Variants in AMPH observed in about 807,000 individuals in gnomAD.
AMPH encodes the protein amphiphysin.
In AMPH, 49 loss-of-function variants were observed where a neutral mutation model predicts 99.1. That is an observed-to-expected ratio of 0.49 (90% CI 0.39 to 0.63). The LOEUF is 0.63. AMPH is among the 20% of genes least tolerant of loss of function. AMPH has a pLI of 0.00. For missense variants in AMPH, 759 were observed against 863.4 expected, an observed-to-expected ratio of 0.88 and a Z score of 1.52; for synonymous variants, 314 against 317.3, an observed-to-expected ratio of 0.99 and a Z score of 0.11.
At chr7:38,588,946 A>G (rs1235682200) in intron 1 of AMPH, among the ~76,000 whole-genome samples, 3 of 152,126 alleles carry the variant, frequency 2.0e-5, no homozygotes, top group Admixed American at 6.6e-5. Flanking sequence ...CCAAACAACC[A>G]CTGACTACTA....
At chr7:38,530,298 G>A (rs1250181068) in intron 2 of AMPH, among the ~76,000 whole-genome samples, 1 of 152,210 alleles carries the variant, frequency 6.6e-6, no homozygotes, top group Non-Finnish European at 1.5e-5. Context: ...CTCATGGGAG[G>A]CTGGTCTGAA....
rs1794457966 is a variant in AMPH, at chr7:38,631,361, T to A, written c.-10A>T. 6.5e-7 allele frequency: 1 copy of A among 1,540,178 alleles called. No individual in the cohort carries two copies. Among genetic ancestry groups the A allele is most frequent in the East Asian group, 2.6e-5 (1 of 38,684 alleles). ...TCTTGATGTCGGCCATGGCTGCGGG[T>A]CCGGGGAGCTGCGAAGAGCAGAGCG... On this transcript the variant is annotated 5_prime_UTR_variant, in exon 1 of 21. Coordinates refer to ENST00000356264, the MANE Select transcript of AMPH (RefSeq NM_001635.4).
At chr7:38,567,023 G>C (rs1400996124) in intron 1 of AMPH, among the ~76,000 whole-genome samples, 2 of 152,126 alleles carry the variant, frequency 1.3e-5, no homozygotes, top group Non-Finnish European at 2.9e-5. Context: ...ATTTGACCCA[G>C]CAATCCCATT....
rs59397432 is a variant in AMPH, at chr7:38,441,779, C to G, written c.1018-5391G>C. On this transcript the variant is annotated intron_variant, in intron 11 of 20. Coordinates refer to ENST00000356264, the MANE Select transcript of AMPH (RefSeq NM_001635.4). Reference sequence around the variant, plus strand: ...TATATATCATATATATGATATATATCATATATCTGTCATATATATCATATA... The same window carrying G: ...TATATATCATATATATGATATATATGATATATCTGTCATATATATCATATA... Among the ~76,000 whole-genome samples the G allele has an allele frequency of 1.8e-4, 24 of 135,218 alleles. 2 individuals are homozygous for G. Among genetic ancestry groups the G allele is most frequent in the South Asian group, 7.0e-4 (3 of 4,296 alleles). The allele number at this position is 135,218 out of a possible 152,430, so 88.7% of individuals were successfully genotyped here.
chr7:38,450,920 C>T (rs906783833), intron 11 of AMPH, among the ~76,000 whole-genome samples: 3 of 150,478 alleles, frequency 2.0e-5, no homozygotes, highest in East Asian at 1.9e-4. Flanking sequence ...GACAGGGTCT[C>T]GCTCTTGTCA....
At chr7:38,422,603 CA>C in intron 15 of AMPH, 126 bp from the exon 16 acceptor site, 1 of 429,480 alleles carries the variant, frequency 2.3e-6, no homozygotes, top group Non-Finnish European at 3.7e-6. Context: ...TCTATCTATC[CA>C]TCTATCTATC....
rs1200407336 is a variant in AMPH at position 38,407,048 on chromosome 7, CTATA to C, written c.1398+10773_1398+10776del. Reference sequence around the variant, plus strand: ...TCTCTCTCTCTCTCTCTCTCTCTCTCTATATATATATATATATATATATATATAT... The same window carrying C: ...TCTCTCTCTCTCTCTCTCTCTCTCTCTATATATATATATATATATATATAT... On this transcript the variant is annotated intron_variant, in intron 17 of 20. Transcript: ENST00000356264. 1.2e-3 allele frequency among the ~76,000 whole-genome samples: 37 copies of C among 31,254 alleles called. 1 individual carries two copies. The highest frequency in any genetic ancestry group is 3.9e-3 in the African/African-American group (34 of 8,802). The allele number at this position is 31,254 out of a possible 152,430, so 20.5% of individuals were successfully genotyped here.
intron 7 of AMPH, among the ~76,000 whole-genome samples, chr7:38,473,825 A>AT (rs1345523793): frequency 1.3e-5 from 2 of 149,130 alleles, no homozygotes; most frequent in Non-Finnish European, 3.0e-5. Context: ...ATAATTTGTG[A>AT]TTTTAAATAA....
At chr7:38,581,158 T>G (rs887384403) in intron 1 of AMPH, among the ~76,000 whole-genome samples, 1 of 151,786 alleles carries the variant, frequency 6.6e-6, no homozygotes, top group Non-Finnish European at 1.5e-5. Context: ...GGTTGGAAAA[T>G]GAGAGGCAAT....
intron 1 of AMPH, among the ~76,000 whole-genome samples, chr7:38,582,824 G>A (rs1344144538): frequency 6.6e-6 from 1 of 152,094 alleles, no homozygotes; most frequent in Non-Finnish European, 1.5e-5. Context: ...AGTGCAATAT[G>A]TGACTGTCTG....
chr7:38,629,818 G>A (rs372958926), intron 1 of AMPH, among the ~76,000 whole-genome samples: 3 of 152,136 alleles, frequency 2.0e-5, no homozygotes, highest in African/African-American at 7.2e-5. Flanking sequence ...CAAGTAACCC[G>A]GGCCTGGAAG....
intron 1 of AMPH, among the ~76,000 whole-genome samples, chr7:38,549,251 G>A (rs906223284): frequency 1.3e-5 from 2 of 152,160 alleles, no homozygotes; most frequent in Non-Finnish European, 2.9e-5. Context: ...ACACAACATA[G>A]CTTCATCATT....
At chr7:38,564,789 T>A (rs1334320610) in intron 1 of AMPH, among the ~76,000 whole-genome samples, 1 of 152,108 alleles carries the variant, frequency 6.6e-6, no homozygotes, top group Admixed American at 6.6e-5. Flanking sequence ...AAAAACCTTA[T>A]CAAGGTGAAC....
At chr7:38,489,409 G>GT (rs1202882635) in intron 5 of AMPH, among the ~76,000 whole-genome samples, 2 of 151,870 alleles carry the variant, frequency 1.3e-5, no homozygotes, top group African/African-American at 2.4e-5. Context: ...AAAGTTGAGG[G>GT]GGGGGGAAGC....
intron 11 of AMPH, among the ~76,000 whole-genome samples, chr7:38,460,635 G>A (rs1787402525): frequency 6.6e-6 from 1 of 152,108 alleles, no homozygotes; most frequent in African/African-American, 2.4e-5. Context: ...ATAATATATG[G>A]GAGCTTAGAA....
chr7:38,466,498 C>T (rs1453060846), intron 7 of AMPH, among the ~76,000 whole-genome samples: 1 of 151,364 alleles, frequency 6.6e-6, no homozygotes, highest in Non-Finnish European at 1.5e-5. Context: ...CAGTGATTCT[C>T]AAACTTTAGT....
intron 11 of AMPH, among the ~76,000 whole-genome samples, chr7:38,440,423 T>A (rs1786461345): frequency 1.3e-5 from 2 of 150,888 alleles, no homozygotes; most frequent in African/African-American, 4.9e-5. Flanking sequence ...GTGGAAGATA[T>A]CTTTCAGGCA....
chr7:38,530,251 A>G (rs570737273), intron 2 of AMPH, among the ~76,000 whole-genome samples: 5 of 152,328 alleles, frequency 3.3e-5, no homozygotes, highest in African/African-American at 1.2e-4. Context: ...TAAGGAGAGG[A>G]CGTGGCCCAG....
chr7:38,508,729 C>G lies in AMPH; in HGVS notation c.151-5025G>C, dbSNP rs549274734. Reference sequence around the variant, plus strand: ...ATTTTTGGCCTTTGATGACATTTTTCTCTTGAAAATGGCTGAAGTAACATA... The same window carrying G: ...ATTTTTGGCCTTTGATGACATTTTTGTCTTGAAAATGGCTGAAGTAACATA... On this transcript the variant is annotated intron_variant, in intron 2 of 20. Transcript: ENST00000356264. Among the ~76,000 whole-genome samples, 4 of 152,260 alleles carry G rather than the reference C, an allele frequency of 2.6e-5. No individual in the cohort carries two copies. In the South Asian group the frequency reaches 6.2e-4, roughly 24 times the overall value.
Sources: gnomAD v4.1 joint callset for allele counts (sites outside exome capture counted in the v4.1 genomes callset) on GRCh38, gnomAD v4.1.1 for gene constraint, MANE v1.5 for transcripts, NCBI Gene and HGNC (gene_info 2026-07-23, HGNC 2026-07-21) for gene names.